The following TNIK variants were observed in gnomAD, a reference collection of about 807,000 sequenced individuals.
TNIK encodes TRAF2 and NCK interacting kinase.
TNIK carries 49 observed loss-of-function variants against 191.3 expected under a neutral mutation model. The ratio of observed to expected loss-of-function variants is 0.26; its 90% CI spans 0.20 to 0.32. The LOEUF (loss-of-function observed/expected upper bound fraction) is 0.32, where lower values mean the gene tolerates loss of function less well. Ranked by LOEUF, TNIK falls within the 10% of genes least tolerant of loss-of-function variation. The pLI, the probability that TNIK is intolerant of heterozygous loss-of-function variation, is 1.00. For missense variants in TNIK, 1,155 were observed against 1,702.3 expected, an observed-to-expected ratio of 0.68 and a Z score of 5.66; for synonymous variants, 594 against 600.9, an observed-to-expected ratio of 0.99 and a Z score of 0.17.
intron 1 of TNIK, among the ~76,000 whole-genome samples, chr3:171,390,325 C>T (rs1225574382): frequency 1.3e-5 from 2 of 152,164 alleles, no homozygotes; most frequent in African/African-American, 2.4e-5. Context: ...TTAATTACTG[C>T]CACACCGTGT....
rs540368153 is a variant in TNIK at position 171,235,239 on chromosome 3, G to A, written c.124-7018C>T. On this transcript the variant is annotated intron_variant, in intron 2 of 32. Transcript: ENST00000436636. ...GTAGTTTTAGTAGAGCCAGGGTTTC[G>A]CCATGTTGGCCAGGCTGGTCTTGAA... Among the ~76,000 whole-genome samples, 6 of 152,040 alleles carry A rather than the reference G, an allele frequency of 3.9e-5. No homozygotes were observed. In the South Asian group the frequency reaches 6.2e-4, roughly 16 times the overall value.
At chr3:171,355,748 TAG>T (rs1050002874) in intron 2 of TNIK, among the ~76,000 whole-genome samples, 7 of 152,138 alleles carry the variant, frequency 4.6e-5, no homozygotes, top group African/African-American at 1.7e-4. Context: ...GAAACGGAAA[TAG>T]AGAGTCACAG....
intron 18 of TNIK, among the ~76,000 whole-genome samples, chr3:171,116,153 A>T (rs1324985811): frequency 1.3e-5 from 2 of 152,250 alleles, no homozygotes; most frequent in Admixed American, 6.5e-5. Context: ...TTGGTAAAAC[A>T]TGAGTAGTTT....
intron 1 of TNIK, among the ~76,000 whole-genome samples, chr3:171,430,647 C>CAA (rs34307433): frequency 0.4 from 44,968 of 113,572 alleles, 9,479 homozygotes; most frequent in Non-Finnish European, 0.53. Context: ...AAAAAACAGA[C>CAA]AAAAAAAAAA....
chr3:171,212,835 A>G (rs1740999744), intron 3 of TNIK, among the ~76,000 whole-genome samples: 1 of 152,200 alleles, frequency 6.6e-6, no homozygotes, highest in Non-Finnish European at 1.5e-5. Flanking sequence ...AGAATAGTGA[A>G]GTGCTGACAT....
chr3:171,375,135 G>A (rs974300910), intron 1 of TNIK, among the ~76,000 whole-genome samples: 2 of 152,158 alleles, frequency 1.3e-5, no homozygotes, highest in East Asian at 1.9e-4. Flanking sequence ...TTAAAATGTG[G>A]ACAGGATTAC....
At chr3:171,327,907 A>AAAAG (rs1289338695) in intron 2 of TNIK, among the ~76,000 whole-genome samples, 2 of 54,736 alleles carry the variant, frequency 3.7e-5, no homozygotes, top group Non-Finnish European at 6.9e-5. Context: ...TCATAAAAAA[A>AAAAG]AAAAAAAAAA....
chr3:171,179,901 T>C (rs1213115921), intron 7 of TNIK, among the ~76,000 whole-genome samples: 1 of 152,194 alleles, frequency 6.6e-6, no homozygotes, highest in Non-Finnish European at 1.5e-5. Flanking sequence ...CCCTGTGCTA[T>C]TTTGATAAGA....
At chr3:171,074,206 C>T (rs1490346016) in intron 28 of TNIK, among the ~76,000 whole-genome samples, 1 of 151,866 alleles carries the variant, frequency 6.6e-6, no homozygotes, top group Non-Finnish European at 1.5e-5. Context: ...GAAATCGTGC[C>T]CTTGGCAGCA....
intron 12 of TNIK, among the ~76,000 whole-genome samples, chr3:171,146,811 A>C (rs922211994): frequency 6.7e-6 from 1 of 150,044 alleles, no homozygotes; most frequent in Non-Finnish European, 1.5e-5. Context: ...AATTGCTTGA[A>C]CCCAGGAGGC....
At chr3:171,421,655 C>A (rs973286524) in intron 1 of TNIK, among the ~76,000 whole-genome samples, 1 of 150,938 alleles carries the variant, frequency 6.6e-6, no homozygotes, top group Non-Finnish European at 1.5e-5. Flanking sequence ...CGGAGCCAGG[C>A]TGGTTTGCTG....
intron 3 of TNIK, among the ~76,000 whole-genome samples, chr3:171,226,910 TGACATACA>T (rs1419090230): frequency 6.6e-6 from 1 of 152,200 alleles, no homozygotes; most frequent in Non-Finnish European, 1.5e-5. Flanking sequence ...GGTTGAAGTT[TGACATACA>T]GACATACTGT....
chr3:171,074,763 G>A (rs550351886), intron 28 of TNIK, among the ~76,000 whole-genome samples: 2 of 152,028 alleles, frequency 1.3e-5, no homozygotes, highest in African/African-American at 4.8e-5. Flanking sequence ...TAGAATACTC[G>A]TGCTACAAGA....
chr3:171,264,311 G>A lies in TNIK; in HGVS notation c.124-36090C>T, dbSNP rs139474492. Among the ~76,000 whole-genome samples, 31 of 149,406 alleles carry A rather than the reference G, an allele frequency of 2.1e-4. 1 individual carries two copies. In the East Asian group the frequency reaches 4.7e-3, roughly 23 times the overall value. On this transcript the variant is annotated intron_variant, in intron 2 of 32. Transcript: ENST00000436636. ...ATACATCATTGCATATAGACATTGC[G>A]TACCAAATTGTATACACGTATAATA...
intron 10 of TNIK, among the ~76,000 whole-genome samples, chr3:171,163,833 G>T (rs1734291041): frequency 6.6e-6 from 1 of 150,872 alleles, no homozygotes; most frequent in Non-Finnish European, 1.5e-5. Context: ...GCTTTTGACT[G>T]CTTTTATATT....
intron 1 of TNIK, among the ~76,000 whole-genome samples, chr3:171,450,337 G>C (rs1728018675): frequency 6.6e-6 from 1 of 152,216 alleles, no homozygotes; most frequent in Non-Finnish European, 1.5e-5. Context: ...TCTTCAGTGT[G>C]TTCCGTACAT....
chr3:171,177,487 G>C, intron 7 of TNIK, 107 bp from the exon 8 acceptor site: 2 of 1,352,218 alleles, frequency 1.5e-6, no homozygotes, highest in Non-Finnish European at 2.0e-6. Flanking sequence ...TCAGTTTTCT[G>C]TTTACAAACC....
chr3:171,199,536 C>T (rs1020564909), intron 4 of TNIK, among the ~76,000 whole-genome samples: 8 of 152,198 alleles, frequency 5.3e-5, no homozygotes, highest in Non-Finnish European at 4.4e-5. Context: ...ACAAATGCTT[C>T]GTTAATTCTT....
chr3:171,308,234 T>A (rs1428500729), intron 2 of TNIK, among the ~76,000 whole-genome samples: 1 of 151,992 alleles, frequency 6.6e-6, no homozygotes, highest in Non-Finnish European at 1.5e-5. Context: ...GACATATAGA[T>A]GAATGAAACA....
Sources: gnomAD v4.1 joint callset for allele counts (sites outside exome capture counted in the v4.1 genomes callset) on GRCh38, gnomAD v4.1.1 for gene constraint, MANE v1.5 for transcripts, NCBI Gene and HGNC (gene_info 2026-07-23, HGNC 2026-07-21) for gene names.